The following KIF21A variants were observed in gnomAD, a reference collection of about 807,000 sequenced individuals.
KIF21A encodes kinesin family member 21A, also known as kinesin-like protein KIF21A.
KIF21A carries 114 observed loss-of-function variants against 202.9 expected under a neutral mutation model. The observed-to-expected ratio is 0.56, with a 90% CI of 0.48 to 0.66. The LOEUF (loss-of-function observed/expected upper bound fraction) is 0.66, where lower values mean the gene tolerates loss of function less well. KIF21A is among the 30% of genes least tolerant of loss of function. The pLI is 0.00. For missense variants in KIF21A, 1,677 were observed against 1,994.9 expected, an observed-to-expected ratio of 0.84 and a Z score of 3.04; for synonymous variants, 667 against 670.8, an observed-to-expected ratio of 0.99 and a Z score of 0.09.
intron 34 of KIF21A, among the ~76,000 whole-genome samples, chr12:39,305,989 A>C (rs1032639483): frequency 2.6e-5 from 4 of 152,330 alleles, no homozygotes; most frequent in South Asian, 2.1e-4. Context: ...TCAGACAATA[A>C]GTGGTCCATT....
intron 7 of KIF21A, among the ~76,000 whole-genome samples, chr12:39,361,748 T>C (rs1484061766): frequency 2.6e-5 from 4 of 152,090 alleles, no homozygotes; most frequent in African/African-American, 9.7e-5. Context: ...CCTCATGATC[T>C]GCCCGCCTTG....
Position 39,332,392 on chromosome 12 carries a change from G to A in KIF21A, c.2873C>T (p.Thr958Ile), listed in dbSNP as rs1220693174. 2 of 1,613,638 alleles carry A rather than the reference G, an allele frequency of 1.2e-6. No homozygotes were observed. Among genetic ancestry groups the A allele is most frequent in the Non-Finnish European group, 1.7e-6 (2 of 1,179,872 alleles). ...NRLLKQREELTKRREKLSKRR... is the reference protein window; with the variant it reads ...NRLLKQREELIKRREKLSKRR... Reference sequence around the variant, plus strand: ...TTTTGAAAGTTTCTCTCGTCTTTTTGTGAGTTCCTCCCGTTGCTATTGAGA... The same window carrying A: ...TTTTGAAAGTTTCTCTCGTCTTTTTATGAGTTCCTCCCGTTGCTATTGAGA... The change falls in exon 21 of 38, where the codon ACA becomes ATA. Residue 958 changes from threonine (T) to isoleucine (I), a missense_variant. By Grantham distance (89) the Thr-to-Ile change is moderately conservative. Coordinates refer to ENST00000361418, the MANE Select transcript of KIF21A (RefSeq NM_001173464.2).
intron 1 of KIF21A, among the ~76,000 whole-genome samples, chr12:39,414,928 A>AT (rs201597276): frequency 0.026 from 3,652 of 139,484 alleles, 107 homozygotes; most frequent in African/African-American, 0.083. Flanking sequence ...TGTTTTTTGG[A>AT]TTTTTTTTTT....
intron 1 of KIF21A, among the ~76,000 whole-genome samples, chr12:39,414,465 T>C (rs1212865393): frequency 3.3e-5 from 5 of 152,150 alleles, no homozygotes. Context: ...TCTAAATGGC[T>C]CTTAAAGAAT....
chr12:39,331,016 G>T, intron 22 of KIF21A, 105 bp from the exon 23 acceptor site: 3 of 1,150,324 alleles, frequency 2.6e-6, no homozygotes, highest in Non-Finnish European at 3.9e-6. Flanking sequence ...TTTGACATCA[G>T]ATAGACCTCG....
intron 1 of KIF21A, among the ~76,000 whole-genome samples, chr12:39,430,152 C>T (rs968351672): frequency 6.6e-6 from 1 of 151,220 alleles, no homozygotes; most frequent in Admixed American, 6.6e-5. Flanking sequence ...GAGTTTCAGA[C>T]CAGCCTGGTC....
At chr12:39,371,372 C>T (rs1315637968) in intron 1 of KIF21A, among the ~76,000 whole-genome samples, 1 of 152,220 alleles carries the variant, frequency 6.6e-6, no homozygotes, top group African/African-American at 2.4e-5. Flanking sequence ...ACCCACCCCA[C>T]ATCCTCACAC....
intron 17 of KIF21A, among the ~76,000 whole-genome samples, chr12:39,334,200 C>CAAAAAAAAAAAAAAAAAAAAAAAAAA (rs576176350): frequency 3.1e-5 from 2 of 63,750 alleles, no homozygotes; most frequent in African/African-American, 4.8e-5. Flanking sequence ...GACTCCATCT[C>CAAAAAAAAAAAAAAAAAAAAAAAAAA]AAAAAAAAAA....
chr12:39,332,100 G>T (rs557281080), intron 21 of KIF21A, 114 bp downstream of exon 21: 1 of 980,202 alleles, frequency 1.0e-6, no homozygotes, highest in Non-Finnish European at 1.6e-6. Context: ...CTAAGCATTA[G>T]ATTAGACCAG....
intron 1 of KIF21A, among the ~76,000 whole-genome samples, chr12:39,441,659 G>GAAAAAAAAAAAAAAAAAA (rs1939597826): frequency 8.6e-4 from 1 of 1,168 alleles, no homozygotes; most frequent in Non-Finnish European, 1.7e-3. Flanking sequence ...TCCCTGGGTG[G>GAAAAAAAAAAAAAAAAAA]TAAAAAAAAA....
intron 6 of KIF21A, 144 bp from the exon 7 acceptor site, chr12:39,363,357 C>A: frequency 1.7e-6 from 1 of 591,744 alleles, no homozygotes; most frequent in South Asian, 2.0e-5. Context: ...ACATTTGTAA[C>A]CAATGTCACT....
rs557653442 is a variant in KIF21A, at chr12:39,342,126, T to TA, written c.1713-3dup. Reference sequence around the variant, plus strand: ...GTATTATCCTCTTTACCAGCCACACTAAAAAAAGGAACATAAGGGTATGGT... The same window carrying TA: ...GTATTATCCTCTTTACCAGCCACACTAAAAAAAAGGAACATAAGGGTATGGT... On this transcript the variant is annotated splice_region_variant and splice_polypyrimidine_tract_variant and intron_variant, in intron 12 of 37. Coordinates refer to ENST00000361418, the MANE Select transcript of KIF21A (RefSeq NM_001173464.2). The TA allele has an allele frequency of 2.5e-6, 4 of 1,592,500 alleles. No homozygotes were observed. The highest frequency in any genetic ancestry group is 1.1e-5 in the South Asian group (1 of 90,650).
At chr12:39,425,160 A>C (rs909169161) in intron 1 of KIF21A, among the ~76,000 whole-genome samples, 1 of 151,548 alleles carries the variant, frequency 6.6e-6, no homozygotes, top group African/African-American at 2.4e-5. Flanking sequence ...AACTCAAATG[A>C]CTCCTCCCAA....
chr12:39,401,421 C>T (rs1473915155), intron 1 of KIF21A, among the ~76,000 whole-genome samples: 2 of 152,110 alleles, frequency 1.3e-5, no homozygotes, highest in Admixed American at 1.3e-4. Context: ...ACCCAATTGT[C>T]TTGTCTTTTA....
intron 14 of KIF21A, 40 bp from the exon 15 acceptor site, chr12:39,341,134 C>A (rs1355133081): frequency 7.1e-7 from 1 of 1,413,526 alleles, no homozygotes; most frequent in South Asian, 1.2e-5. Flanking sequence ...TGGTGCTAGG[C>A]CAAAATATCA....
intron 17 of KIF21A, among the ~76,000 whole-genome samples, chr12:39,334,808 T>C (rs570084978): frequency 6.6e-6 from 1 of 152,202 alleles, no homozygotes; most frequent in African/African-American, 2.4e-5. Flanking sequence ...CAGCATTGTG[T>C]CTTTATAATA....
chr12:39,356,888 T>C lies in KIF21A; in HGVS notation c.1413A>G (p.Gly471=), dbSNP rs1397300437. ...ANHVLARAGE[G]NEEISNMIHS... The stretch of plus-strand genomic sequence containing the variant: ...GAATCATATTACTAATCTCCTCATT[T>C]CCTTCACCTGAAAGACAAAATATGA... Residue 471 remains glycine (G), a synonymous_variant, in exon 10 of 38, where the codon GGA becomes GGG. Coordinates refer to ENST00000361418, the MANE Select transcript of KIF21A (RefSeq NM_001173464.2). The C allele has an allele frequency of 2.3e-6, 3 of 1,279,916 alleles. No individual in the cohort carries two copies. Among genetic ancestry groups the C allele is most frequent in the African/African-American group, 1.5e-5 (1 of 68,304 alleles). 79.3% of individuals were successfully genotyped at this position (1,279,916 alleles called of 1,614,324 possible). A position where few individuals can be genotyped will look rare whatever the true frequency, so the allele number is the denominator to read the frequency against.
chr12:39,405,429 TA>T (rs1414227388), intron 1 of KIF21A, among the ~76,000 whole-genome samples: 2 of 152,020 alleles, frequency 1.3e-5, no homozygotes, highest in African/African-American at 4.8e-5. Context: ...ACTAGAAAAA[TA>T]AATGCAATTT....
intron 16 of KIF21A, among the ~76,000 whole-genome samples, chr12:39,337,827 C>T (rs1044542745): frequency 2.6e-5 from 4 of 152,118 alleles, no homozygotes; most frequent in Admixed American, 2.6e-4. Flanking sequence ...AATGTCATAA[C>T]ATCACATTAC....
Sources: gnomAD v4.1 joint callset for allele counts (sites outside exome capture counted in the v4.1 genomes callset) on GRCh38, gnomAD v4.1.1 for gene constraint, MANE v1.5 for transcripts, NCBI Gene and HGNC (gene_info 2026-07-23, HGNC 2026-07-21) for gene names.